The following XRCC5 variants were observed in gnomAD, a reference collection of about 807,000 sequenced individuals.
The protein encoded by XRCC5 is X-ray repair cross complementing 5, also known as DNA repair protein Ku80.
XRCC5 carries 12 observed loss-of-function variants against 95.7 expected under a neutral mutation model. The ratio of observed to expected loss-of-function variants is 0.13; its 90% CI spans 0.08 to 0.20. The LOEUF (loss-of-function observed/expected upper bound fraction) is 0.20, where lower values mean the gene tolerates loss of function less well. Among genes scored for constraint, XRCC5 ranks in the 10% least tolerant of loss-of-function variants. The pLI is 1.00. For synonymous variants in XRCC5, 281 were observed against 290.3 expected (o/e 0.97, Z 0.33); for missense variants, 595 against 873.9 (o/e 0.68, Z 4.02).
intron 16 of XRCC5, among the ~76,000 whole-genome samples, chr2:216,172,556 C>T (rs1467423199): frequency 1.4e-5 from 2 of 146,774 alleles, no homozygotes; most frequent in East Asian, 4.0e-4. Flanking sequence ...GTAGCCTCCA[C>T]CTCCCGGGTT....
chr2:216,137,474 A>T (rs1261068701), intron 11 of XRCC5, among the ~76,000 whole-genome samples: 1 of 150,966 alleles, frequency 6.6e-6, no homozygotes, highest in Non-Finnish European at 1.5e-5. Flanking sequence ...TCTTTTAATT[A>T]TAAAGTATCA....
intron 18 of XRCC5, among the ~76,000 whole-genome samples, chr2:216,194,082 G>A (rs774085743): frequency 3.9e-5 from 6 of 152,126 alleles, no homozygotes; most frequent in Non-Finnish European, 5.9e-5. Flanking sequence ...ATTGGGCACC[G>A]GATGTCTTGG....
Position 216,116,928 on chromosome 2 carries a change from T to C in XRCC5, c.319+86T>C, listed in dbSNP as rs558374360. Reference sequence around the variant, plus strand: ...CAGTTTGATGAGACACCCCCAGAGTTTCAGCTATGAGTATATGGGTATATT... The same window carrying C: ...CAGTTTGATGAGACACCCCCAGAGTCTCAGCTATGAGTATATGGGTATATT... On this transcript the variant is annotated intron_variant, in intron 3 of 20. Transcript: ENST00000392132. 2.0e-5 allele frequency: 29 copies of C among 1,451,536 alleles called. No individual in the cohort carries two copies. In the African/African-American group the frequency reaches 3.6e-4, roughly 18 times the overall value. The allele number at this position is 1,451,536 out of a possible 1,614,324, so 89.9% of individuals were successfully genotyped here.
intron 2 of XRCC5, among the ~76,000 whole-genome samples, chr2:216,115,238 G>A (rs1696671697): frequency 6.6e-6 from 1 of 152,138 alleles, no homozygotes; most frequent in Non-Finnish European, 1.5e-5. Flanking sequence ...GAGTTTCTCT[G>A]GATAACTGCC....
At chr2:216,161,606 C>T (rs1455285445) in intron 15 of XRCC5, among the ~76,000 whole-genome samples, 2 of 152,154 alleles carry the variant, frequency 1.3e-5, no homozygotes, top group Non-Finnish European at 2.9e-5. Flanking sequence ...TATTCGAAAC[C>T]GACCCCACAC....
chr2:216,193,194 G>A lies in XRCC5; in HGVS notation c.2041+459G>A, dbSNP rs1004844684. ...CGTTTCAACAGACCAGCATCTTCATGTACCAAAACCATTCAGTTCTTCACT... is the reference window on the plus strand; with the variant it reads ...CGTTTCAACAGACCAGCATCTTCATATACCAAAACCATTCAGTTCTTCACT... On this transcript the variant is annotated intron_variant, in intron 18 of 20. Transcript: ENST00000392132. Among the ~76,000 whole-genome samples the A allele has an allele frequency of 2.6e-5, 4 of 152,040 alleles. No individual in the cohort carries two copies. The South Asian group carries it at 8.3e-4, about 32-fold the overall frequency.
chr2:216,172,921 A>G (rs1393582317), intron 16 of XRCC5, among the ~76,000 whole-genome samples: 1 of 152,218 alleles, frequency 6.6e-6, no homozygotes, highest in Non-Finnish European at 1.5e-5. Flanking sequence ...TTTTTTCTCC[A>G]TAATGTTTTA....
intron 19 of XRCC5, among the ~76,000 whole-genome samples, chr2:216,201,558 G>A (rs1689833815): frequency 6.6e-6 from 1 of 152,196 alleles, no homozygotes; most frequent in African/African-American, 2.4e-5. Context: ...CTCCAGGTAA[G>A]GAGGCACTTT....
At chr2:216,114,947 G>C (rs1466142034) in intron 2 of XRCC5, among the ~76,000 whole-genome samples, 1 of 152,106 alleles carries the variant, frequency 6.6e-6, no homozygotes, top group Non-Finnish European at 1.5e-5. Context: ...AATTCGGGCT[G>C]CTCAAGGGAG....
At chr2:216,159,624 C>G (rs1013273042) in intron 14 of XRCC5, among the ~76,000 whole-genome samples, 1 of 152,020 alleles carries the variant, frequency 6.6e-6, no homozygotes, top group African/African-American at 2.4e-5. Context: ...ATAGAGAAAA[C>G]GGGTTGTTAG....
chr2:216,174,152 T>G (rs979270099), intron 16 of XRCC5, among the ~76,000 whole-genome samples: 6 of 112,450 alleles, frequency 5.3e-5, no homozygotes, highest in African/African-American at 2.2e-4. Context: ...GTGGGGAGCT[T>G]TTGTTTTGTT....
intron 14 of XRCC5, among the ~76,000 whole-genome samples, chr2:216,151,643 T>TG: frequency 6.6e-6 from 1 of 152,292 alleles, no homozygotes; most frequent in East Asian, 1.9e-4. Context: ...AGAGTTGTCA[T>TG]GGGGGTTAAT....
chr2:216,150,748 G>T (rs746330618), intron 14 of XRCC5, among the ~76,000 whole-genome samples: 2 of 152,094 alleles, frequency 1.3e-5, no homozygotes, highest in Non-Finnish European at 2.9e-5. Context: ...AATGAACTGG[G>T]CGTGGTGGTG....
rs778715321 is a variant in XRCC5 at position 216,132,321 on chromosome 2, G to T, written c.1051-4G>T. On this transcript the variant is annotated splice_region_variant and splice_polypyrimidine_tract_variant and intron_variant, in intron 9 of 20. Coordinates refer to ENST00000392132, the MANE Select transcript of XRCC5 (RefSeq NM_021141.4). ...TCAAAAGCAATTCTTTTCCTCTCTT[G>T]TAGGTTCAGAGAAGATTCTTCATGG... The T allele has an allele frequency of 6.2e-7, 1 of 1,613,614 alleles. No individual in the cohort carries two copies. Among genetic ancestry groups the T allele is most frequent in the South Asian group, 1.1e-5 (1 of 91,070 alleles).
In XRCC5 at chr2:216,122,217, A is replaced by G; in HGVS notation, c.647A>G (p.Glu216Gly). ...EIVKMVMISL[E>G]GEDGLDEIYS... The stretch of plus-strand genomic sequence containing the variant: ...GTGAAAATGGTGATGATATCTTTAG[A>G]AGGTGAAGATGGGTTGGATGAAATT... Residue 216 changes from glutamate to glycine, a missense_variant, in exon 6 of 21, where the codon GAA (glutamate) becomes GGA (glycine). Physicochemically the swap from Glu to Gly is moderately conservative, Grantham distance 98 (BLOSUM62 -2). This residue lies in a region of XRCC5 where 286 missense variants were observed against 491.1 expected (regional missense o/e 0.58). Coordinates refer to ENST00000392132, the MANE Select transcript of XRCC5 (RefSeq NM_021141.4). The G allele has an allele frequency of 6.2e-7, 1 of 1,613,272 alleles. No homozygotes were observed. Among genetic ancestry groups the G allele is most frequent in the Non-Finnish European group, 8.5e-7 (1 of 1,179,828 alleles).
At chr2:216,151,968 T>C (rs1688753664) in intron 14 of XRCC5, among the ~76,000 whole-genome samples, 1 of 152,196 alleles carries the variant, frequency 6.6e-6, no homozygotes, top group Admixed American at 6.5e-5. Context: ...GTGCATCTTA[T>C]GTGGCAGCAG....
intron 17 of XRCC5, among the ~76,000 whole-genome samples, chr2:216,191,765 A>C (rs553645965): frequency 6.6e-6 from 1 of 152,200 alleles, no homozygotes; most frequent in Middle Eastern, 3.2e-3. Context: ...AATTAGGAAA[A>C]TGAGAATACT....
chr2:216,205,418 A>G lies in XRCC5; in HGVS notation c.*216A>G, dbSNP rs575110027. ...ACCCCATACAAGTTTATAAAGAGTC[A>G]TTGTTATTTTCTGGTTGGTGTATTA... On this transcript the variant is annotated 3_prime_UTR_variant, in exon 21 of 21. Coordinates refer to ENST00000392132, the MANE Select transcript of XRCC5 (RefSeq NM_021141.4). The G allele has an allele frequency of 8.6e-4, 482 of 560,424 alleles. 1 individual carries two copies. The highest frequency in any genetic ancestry group is 1.2e-3 in the Non-Finnish European group (372 of 315,306). 34.7% of individuals were successfully genotyped at this position (560,424 alleles called of 1,614,324 possible). A position where few individuals can be genotyped will look rare whatever the true frequency, so the allele number is the denominator to read the frequency against.
chr2:216,187,786 G>GACACACACACACACAC lies in XRCC5; in HGVS notation c.1835-2418_1835-2403dup, dbSNP rs149998611. ...AGTATCTGTGATGCCATGAACTCCT[G>GACACACACACACACAC]ACACACACACACACACACACACACA... On this transcript the variant is annotated intron_variant, in intron 16 of 20. Transcript: ENST00000392132. 3.1e-3 allele frequency among the ~76,000 whole-genome samples: 203 copies of GACACACACACACACAC among 64,522 alleles called. 15 individuals are homozygous for GACACACACACACACAC. The highest frequency in any genetic ancestry group is 0.011 in the African/African-American group (107 of 9,950). The allele number at this position is 64,522 out of a possible 152,430, so 42.3% of individuals were successfully genotyped here.
Sources: allele counts gnomAD v4.1 joint callset (sites outside exome capture counted in the v4.1 genomes callset), GRCh38; gene constraint gnomAD v4.1.1; regional missense constraint gnomAD v4.1.1; transcripts MANE v1.5; gene names NCBI Gene and HGNC (gene_info 2026-07-23, HGNC 2026-07-21).